ZC3H13: variants seen among roughly 807,000 people sequenced by gnomAD.
ZC3H13 encodes zinc finger CCCH-type containing 13, also known as zinc finger CCCH domain-containing protein 13.
A neutral mutation model predicts 204.1 loss-of-function variants in ZC3H13; 64 were observed. That is an observed-to-expected ratio of 0.31 (90% confidence interval 0.26 to 0.39). ZC3H13 has a LOEUF of 0.39. ZC3H13 is among the 10% of genes least tolerant of loss of function. ZC3H13 has a pLI of 1.00. For missense variants in ZC3H13, 1,833 were observed against 2,082.7 expected, an observed-to-expected ratio of 0.88 and a Z score of 2.33; for synonymous variants, 667 against 693.7, an observed-to-expected ratio of 0.96 and a Z score of 0.60.
At chr13:46,051,436 T>C (rs749223287) in intron 1 of ZC3H13, among the ~76,000 whole-genome samples, 2 of 152,186 alleles carry the variant, frequency 1.3e-5, no homozygotes, top group Non-Finnish European at 2.9e-5. Context: ...ATAATCTAAA[T>C]AGTTCATTAA....
rs373662110 is a variant in ZC3H13 at position 45,985,398 on chromosome 13, C to A, written c.1619G>T (p.Arg540Leu). The A allele has an allele frequency of 1.2e-6, 2 of 1,614,182 alleles. No individual in the cohort carries two copies. The highest frequency in any genetic ancestry group is 1.1e-5 in the South Asian group (1 of 91,084). Residue 540 changes from arginine (R) to leucine (L), a missense_variant, in exon 10 of 19, where the codon CGT becomes CTT. Arg to Leu is a moderately radical substitution (Grantham distance 102). Transcript: ENST00000679008. ...GRNHLREESS[R>L]TEIRNESRNE... ...TCTGGACTCATTCCTTATTTCCGTA[C>A]GAGAACTTTCTTCTCTCAAATGGTT...
At chr13:46,005,132 T>C (rs1418878878) in intron 7 of ZC3H13, among the ~76,000 whole-genome samples, 2 of 152,226 alleles carry the variant, frequency 1.3e-5, no homozygotes, top group Non-Finnish European at 2.9e-5. Flanking sequence ...GTTGGCATGC[T>C]TATGAACATT....
chr13:45,976,895 A>T (rs139916940), intron 11 of ZC3H13, among the ~76,000 whole-genome samples: 5 of 152,308 alleles, frequency 3.3e-5, no homozygotes, highest in Admixed American at 3.3e-4. Flanking sequence ...GAACAATTTT[A>T]GGATGTTTCT....
chr13:45,983,196 C>A (rs1471135019), intron 10 of ZC3H13, among the ~76,000 whole-genome samples: 1 of 151,694 alleles, frequency 6.6e-6, no homozygotes, highest in Non-Finnish European at 1.5e-5. Flanking sequence ...AAACAGACCA[C>A]TGAGCCACAA....
chr13:46,051,686 A>G (rs1394637448), intron 1 of ZC3H13, among the ~76,000 whole-genome samples: 1 of 152,164 alleles, frequency 6.6e-6, no homozygotes, highest in Non-Finnish European at 1.5e-5. Context: ...ATCTTAAGAG[A>G]CTTCATACTC....
intron 16 of ZC3H13, among the ~76,000 whole-genome samples, chr13:45,965,060 T>C (rs564758996): frequency 1.3e-5 from 2 of 152,322 alleles, no homozygotes; most frequent in East Asian, 1.9e-4. Flanking sequence ...AATTTTGCTA[T>C]TTTAAATGAG....
intron 12 of ZC3H13, among the ~76,000 whole-genome samples, chr13:45,970,816 C>T (rs1047677471): frequency 6.6e-6 from 1 of 152,160 alleles, no homozygotes; most frequent in African/African-American, 2.4e-5. Context: ...ATTTTGCATT[C>T]TTATGATATA....
intron 6 of ZC3H13, among the ~76,000 whole-genome samples, chr13:46,010,707 A>G (rs2041494691): frequency 6.6e-6 from 1 of 151,572 alleles, no homozygotes; most frequent in African/African-American, 2.4e-5. Context: ...ATCAGCCTGG[A>G]TAACATAAAA....
In ZC3H13 at chr13:45,985,591, T is replaced by A; in HGVS notation, c.1426A>T (p.Met476Leu). Residue 476 changes from methionine (M) to leucine (L), a missense_variant, in exon 10 of 19, where the codon ATG (methionine) becomes TTG (leucine). Around this residue, in one of 5 missense-constraint regions of ZC3H13, gnomAD observed 1,574 missense variants for 1,757.2 expected, o/e 0.90. Transcript: ENST00000679008. ...DRRELRDSRDMRDSREMRDYS... is the reference protein window; with the variant it reads ...DRRELRDSRDLRDSREMRDYS... ...TCTCTCATCTCCCTTGAGTCCCGCA[T>A]GTCTCTGGAGTCTCTTAGTTCCCTT... 1.9e-6 allele frequency: 3 copies of A among 1,614,054 alleles called. No individual in the cohort carries two copies. The highest frequency in any genetic ancestry group is 2.5e-6 in the Non-Finnish European group (3 of 1,180,004).
At position 46,052,574 on chromosome 13, in the gene ZC3H13, C is replaced by A. The variant is rs2044560592; in HGVS notation, c.-180G>T. 2.5e-6 allele frequency: 1 copy of A among 398,598 alleles called. No homozygotes were observed. The allele number at this position is 398,598 out of a possible 1,614,324, so 24.7% of individuals were successfully genotyped here. A position where few individuals can be genotyped will look rare whatever the true frequency, so the allele number is the denominator to read the frequency against. On this transcript the variant is annotated 5_prime_UTR_variant, in exon 1 of 19. Transcript: ENST00000679008. ...AACCGGCTCTTGGCTAGCGAGGAGCCCCCGGGATGGCTGAGAAGCAGAACC... is the reference window on the plus strand; with the variant it reads ...AACCGGCTCTTGGCTAGCGAGGAGCACCCGGGATGGCTGAGAAGCAGAACC...
intron 3 of ZC3H13, among the ~76,000 whole-genome samples, chr13:46,043,130 G>A (rs2043703470): frequency 6.6e-6 from 1 of 151,864 alleles, no homozygotes; most frequent in African/African-American, 2.4e-5. Flanking sequence ...GGCAAAAGAA[G>A]TTAAGGAATG....
intron 7 of ZC3H13, among the ~76,000 whole-genome samples, chr13:46,009,549 G>T (rs1243851666): frequency 6.6e-6 from 1 of 152,012 alleles, no homozygotes; most frequent in East Asian, 1.9e-4. Flanking sequence ...TTCATTACAG[G>T]TTCAAATAGA....
intron 12 of ZC3H13, among the ~76,000 whole-genome samples, chr13:45,971,213 T>C (rs1430911444): frequency 1.3e-5 from 2 of 152,234 alleles, no homozygotes; most frequent in African/African-American, 4.8e-5. Flanking sequence ...TTTATATCTC[T>C]TGGGTACTTA....
At chr13:45,974,591 C>T (rs1952857011) in intron 12 of ZC3H13, among the ~76,000 whole-genome samples, 1 of 152,196 alleles carries the variant, frequency 6.6e-6, no homozygotes, top group African/African-American at 2.4e-5. Context: ...AACTACTCCA[C>T]AGCACAAGAG....
At position 46,003,284 on chromosome 13, in the gene ZC3H13, G is replaced by T. The variant is rs1035891012; in HGVS notation, c.799C>A (p.Pro267Thr). The T allele has an allele frequency of 6.2e-7, 1 of 1,612,718 alleles. No individual in the cohort carries two copies. Reference protein sequence around the residue: ...KKKGPRTPSPPPPIPEDIALG... With the variant: ...KKKGPRTPSPTPPIPEDIALG... The stretch of plus-strand genomic sequence containing the variant: ...GCGATATCTTCTGGTATAGGAGGGG[G>T]TGGACTAGGAGTACGTGGTCCTTTC... Residue 267 changes from proline (P) to threonine (T), a missense_variant, in exon 8 of 19, where the codon CCC (proline) becomes ACC (threonine). Around this residue, in one of 5 missense-constraint regions of ZC3H13, gnomAD observed 1,574 missense variants for 1,757.2 expected, o/e 0.90. Transcript: ENST00000679008.
intron 17 of ZC3H13, among the ~76,000 whole-genome samples, chr13:45,960,372 T>C (rs1037173638): frequency 2.6e-5 from 4 of 152,246 alleles, no homozygotes; most frequent in Non-Finnish European, 2.9e-5. Flanking sequence ...TTTAGAGTTT[T>C]AGATTTCAAG....
At chr13:46,037,491 C>T (rs1593789951) in intron 4 of ZC3H13, among the ~76,000 whole-genome samples, 2 of 152,332 alleles carry the variant, frequency 1.3e-5, no homozygotes, top group East Asian at 3.9e-4. Flanking sequence ...ATTTAGGGGT[C>T]TAATTTTGCT....
At chr13:46,039,636 T>C (rs2043438703) in intron 4 of ZC3H13, among the ~76,000 whole-genome samples, 1 of 152,200 alleles carries the variant, frequency 6.6e-6, no homozygotes, top group Non-Finnish European at 1.5e-5. Context: ...TCATAAGAGC[T>C]GATTTAAATT....
At chr13:45,996,561 C>T (rs1353234798) in intron 8 of ZC3H13, among the ~76,000 whole-genome samples, 1 of 152,164 alleles carries the variant, frequency 6.6e-6, no homozygotes, top group Non-Finnish European at 1.5e-5. Context: ...AATCTTTTGT[C>T]GTTCCACTCT....
Sources: gnomAD v4.1 joint callset for allele counts (sites outside exome capture counted in the v4.1 genomes callset) on GRCh38, gnomAD v4.1.1 for gene constraint, gnomAD v4.1.1 regional missense constraint, MANE v1.5 for transcripts, NCBI Gene and HGNC (gene_info 2026-07-23, HGNC 2026-07-21) for gene names.